Variants in SLC27A2 observed in about 807,000 individuals in gnomAD.
SLC27A2 encodes solute carrier family 27 member 2.
In SLC27A2, 54 loss-of-function variants were observed where a neutral mutation model predicts 60.0. The observed-to-expected ratio is 0.90, with a 90% confidence interval of 0.72 to 1.13. SLC27A2 has a LOEUF of 1.13. Among genes scored for constraint, SLC27A2 ranks in the 50% most tolerant of loss-of-function variants. The pLI is 0.00. For missense variants in SLC27A2, 739 were observed against 777.6 expected (o/e 0.95, Z 0.59); for synonymous variants, 297 against 297.6 (o/e 1.00, Z 0.02).
intron 1 of SLC27A2, among the ~76,000 whole-genome samples, chr15:50,194,898 C>A (rs1197340473): frequency 1.3e-5 from 2 of 152,078 alleles, no homozygotes; most frequent in Non-Finnish European, 2.9e-5. Context: ...TACTTGGCTC[C>A]GTGGTGAATA....
At chr15:50,210,818 C>T (rs1394288571) in intron 4 of SLC27A2, among the ~76,000 whole-genome samples, 1 of 152,188 alleles carries the variant, frequency 6.6e-6, no homozygotes, top group African/African-American at 2.4e-5. Flanking sequence ...GTGAGACCAG[C>T]CCTTCAGGTT....
chr15:50,218,547 T>A (rs1175958949), intron 4 of SLC27A2, among the ~76,000 whole-genome samples: 1 of 152,174 alleles, frequency 6.6e-6, no homozygotes, highest in Non-Finnish European at 1.5e-5. Flanking sequence ...AAAGTTTGAC[T>A]GTCAGTAGCA....
rs1473248922 is a variant in SLC27A2, at chr15:50,196,078, ATATATATAT to A, written c.479-1421_479-1413del. Among the ~76,000 whole-genome samples, 19 of 7,790 alleles carry A rather than the reference ATATATATAT, an allele frequency of 2.4e-3. 4 individuals carry two copies. Among genetic ancestry groups the A allele is most frequent in the South Asian group, 0.012 (1 of 84 alleles). The allele number at this position is 7,790 out of a possible 152,430, so 5.1% of individuals were successfully genotyped here. A position where few individuals can be genotyped will look rare whatever the true frequency, so the allele number is the denominator to read the frequency against. On this transcript the variant is annotated intron_variant, in intron 1 of 9. Transcript: ENST00000267842. ...CAAAAAAAAAAAAAAAAAAAAAAAAATATATATATATATATATATATATATATATATATA... is the reference window on the plus strand; with the variant it reads ...CAAAAAAAAAAAAAAAAAAAAAAAAAATATATATATATATATATATATATA...
chr15:50,204,492 G>C (rs904949007), intron 3 of SLC27A2, among the ~76,000 whole-genome samples: 4 of 151,792 alleles, frequency 2.6e-5, no homozygotes, highest in Admixed American at 6.6e-5. Flanking sequence ...TCAGCACTTT[G>C]GGAGGCCAAG....
At chr15:50,182,951 GC>G (rs1178109947) in intron 1 of SLC27A2, 46 bp downstream of exon 1, 6 of 1,541,680 alleles carry the variant, frequency 3.9e-6, no homozygotes, top group Non-Finnish European at 5.2e-6. Flanking sequence ...GCTTCTCGGC[GC>G]CTTGACTGAC....
intron 4 of SLC27A2, among the ~76,000 whole-genome samples, chr15:50,217,841 G>A (rs969933329): frequency 6.6e-6 from 1 of 151,922 alleles, no homozygotes; most frequent in African/African-American, 2.4e-5. Context: ...GGATCACAAG[G>A]TCAGGAGTTC....
intron 4 of SLC27A2, among the ~76,000 whole-genome samples, chr15:50,221,394 C>T (rs1190278380): frequency 6.6e-6 from 1 of 152,114 alleles, no homozygotes; most frequent in African/African-American, 2.4e-5. Context: ...TCACCAGTGA[C>T]CAGCATCAGT....
chr15:50,182,709 G>T lies in SLC27A2; in HGVS notation c.282G>T (p.Ala94=). Residue 94 remains alanine (A), a synonymous_variant, in exon 1 of 10, where the codon GCG becomes GCT. Coordinates refer to ENST00000267842, the MANE Select transcript of SLC27A2 (RefSeq NM_003645.4). ...GGCGCAGCAATCAAGTGGCCCGGGCGCTGCACGACCACCTCGGCCTGCGCC... is the reference window on the plus strand; with the variant it reads ...GGCGCAGCAATCAAGTGGCCCGGGCTCTGCACGACCACCTCGGCCTGCGCC... ...VDRRSNQVAR[A]LHDHLGLRQG... is the part of the protein sequence containing the mutation. 6.2e-7 allele frequency: 1 copy of T among 1,613,786 alleles called. No individual in the cohort carries two copies.
At chr15:50,183,994 C>CT (rs577766814) in intron 1 of SLC27A2, among the ~76,000 whole-genome samples, 5,832 of 91,072 alleles carry the variant, frequency 0.064, 516 homozygotes, top group African/African-American at 0.13. Flanking sequence ...TTTCCTACAT[C>CT]TTTTTTTTTT....
intron 7 of SLC27A2, 42 bp downstream of exon 7, chr15:50,227,220 A>G (rs1467638069): frequency 6.6e-7 from 1 of 1,520,486 alleles, no homozygotes; most frequent in African/African-American, 1.4e-5. Flanking sequence ...AAACACACGC[A>G]CAGTTTGGCT....
In SLC27A2 at chr15:50,205,307, G is replaced by A. The variant is rs141444028; in HGVS notation, c.916G>A (p.Val306Ile). 44 of 1,610,710 alleles carry A rather than the reference G, an allele frequency of 2.7e-5. No homozygotes were observed. The highest frequency in any genetic ancestry group is 2.2e-4 in the East Asian group (10 of 44,840). ...TTGGGATGACTGCAGAAAATACAACGTCACTGTCATTCAGTATATCGGTGA... is the reference window on the plus strand; with the variant it reads ...TTGGGATGACTGCAGAAAATACAACATCACTGTCATTCAGTATATCGGTGA... ...QFWDDCRKYN[V>I]TVIQYIGELL... The change falls in exon 4 of 10, where the codon GTC becomes ATC. Residue 306 changes from valine (V) to isoleucine (I), a missense_variant. Coordinates refer to ENST00000267842, the MANE Select transcript of SLC27A2 (RefSeq NM_003645.4).
chr15:50,183,259 C>T (rs2044885076), intron 1 of SLC27A2, among the ~76,000 whole-genome samples: 1 of 152,196 alleles, frequency 6.6e-6, no homozygotes, highest in Admixed American at 6.5e-5. Flanking sequence ...TTAATCAATA[C>T]TTATAACATC....
At position 50,196,071 on chromosome 15, in the gene SLC27A2, AAAAAAAATATATATATATATATATAT is replaced by A. The variant is rs1220497200; in HGVS notation, c.479-1427_479-1402del. On this transcript the variant is annotated intron_variant, in intron 1 of 9. Transcript: ENST00000267842. ...TCTGTCTCAAAAAAAAAAAAAAAAA[AAAAAAAATATATATATATATATATAT>A]ATATATATATATATATATATATATA... Among the ~76,000 whole-genome samples the A allele has an allele frequency of 1.8e-3, 49 of 26,530 alleles. 5 individuals carry two copies. The highest frequency in any genetic ancestry group is 2.2e-3 in the Non-Finnish European group (30 of 13,930). The allele number at this position is 26,530 out of a possible 152,430, so 17.4% of individuals were successfully genotyped here.
intron 4 of SLC27A2, among the ~76,000 whole-genome samples, chr15:50,206,468 C>T (rs1393245034): frequency 6.6e-6 from 1 of 152,166 alleles, no homozygotes; most frequent in Non-Finnish European, 1.5e-5. Flanking sequence ...CCGTGTGACG[C>T]AGAAAGAAGT....
chr15:50,189,110 AT>A (rs1275634488), intron 1 of SLC27A2, among the ~76,000 whole-genome samples: 1 of 152,202 alleles, frequency 6.6e-6, no homozygotes, highest in Non-Finnish European at 1.5e-5. Flanking sequence ...ATTCTGGTTG[AT>A]TGTGACAGGC....
At position 50,236,063 on chromosome 15, in the gene SLC27A2, T is replaced by C. The variant is rs777706643; in HGVS notation, c.1830T>C (p.Tyr610=). The change falls in exon 10 of 10, where the codon TAT becomes TAC. Residue 610 remains tyrosine (Y), a synonymous_variant. Coordinates refer to ENST00000267842, the MANE Select transcript of SLC27A2 (RefSeq NM_003645.4). Reference sequence around the variant, plus strand: ...ATGTGCCTATGACTGAGGACATCTATAATGCCATAAGTGCTAAAACCCTGA... The same window carrying C: ...ATGTGCCTATGACTGAGGACATCTACAATGCCATAAGTGCTAAAACCCTGA... ...KMYVPMTEDI[Y]NAISAKTLKL 25 of 1,612,626 alleles carry C rather than the reference T, an allele frequency of 1.6e-5. No homozygotes were observed. The highest frequency in any genetic ancestry group is 2.0e-5 in the Non-Finnish European group (24 of 1,179,284).
intron 1 of SLC27A2, among the ~76,000 whole-genome samples, chr15:50,192,133 A>G: frequency 6.6e-6 from 1 of 152,308 alleles, no homozygotes. Context: ...AATAAAAGAC[A>G]TTAAATATCA....
Position 50,182,658 on chromosome 15 carries a change from G to T in SLC27A2, c.231G>T (p.Glu77Asp), listed in dbSNP as rs376395646. 5.1e-5 allele frequency: 83 copies of T among 1,613,886 alleles called. No individual in the cohort carries two copies. Among genetic ancestry groups the T allele is most frequent in the African/African-American group, 2.7e-5 (2 of 74,932 alleles). Residue 77 changes from glutamate to aspartate, a missense_variant, in exon 1 of 10, where the codon GAG (glutamate) becomes GAT (aspartate). Coordinates refer to ENST00000267842, the MANE Select transcript of SLC27A2 (RefSeq NM_003645.4). ...AGCCTTTTCTGCTCTTCCGCGACGA[G>T]ACTCTCACCTACGCGCAGGTGGACC... ...PHKPFLLFRDETLTYAQVDRR... is the reference protein window; with the variant it reads ...PHKPFLLFRDDTLTYAQVDRR...
intron 9 of SLC27A2, among the ~76,000 whole-genome samples, chr15:50,235,136 AC>A (rs2045342544): frequency 6.6e-6 from 1 of 152,180 alleles, no homozygotes; most frequent in African/African-American, 2.4e-5. Context: ...TGAAGACTTG[AC>A]AAAGGAGGTC....
Sources: gnomAD v4.1 joint callset for allele counts (sites outside exome capture counted in the v4.1 genomes callset) on GRCh38, gnomAD v4.1.1 for gene constraint, MANE v1.5 for transcripts, NCBI Gene and HGNC (gene_info 2026-07-23, HGNC 2026-07-21) for gene names.